MYT1L: variants seen among roughly 807,000 people sequenced by gnomAD.
The protein encoded by MYT1L is myelin transcription factor 1 like.
In MYT1L, 12 loss-of-function variants were observed where a neutral mutation model predicts 126.7. That is an observed-to-expected ratio of 0.09 (90% CI 0.06 to 0.15). MYT1L has a LOEUF of 0.15. Among genes scored for constraint, MYT1L ranks in the 10% least tolerant of loss-of-function variants. The probability of loss-of-function intolerance (pLI) is 1.00; values close to 1 mark genes in which losing one functional copy is unlikely to be tolerated. For missense variants in MYT1L, 979 were observed against 1,585.2 expected, an observed-to-expected ratio of 0.62 and a Z score of 6.49; for synonymous variants, 541 against 604.2, an observed-to-expected ratio of 0.90 and a Z score of 1.53.
At chr2:2,215,249 ATG>A (rs2093645443) in intron 2 of MYT1L, among the ~76,000 whole-genome samples, 2 of 152,174 alleles carry the variant, frequency 1.3e-5, no homozygotes. Flanking sequence ...AGTAATAAAA[ATG>A]CAGAAGTTGT....
intron 21 of MYT1L, among the ~76,000 whole-genome samples, chr2:1,820,757 G>T (rs2038404714): frequency 6.6e-6 from 1 of 152,052 alleles, no homozygotes; most frequent in Admixed American, 6.6e-5. Context: ...ATGTTGCCCA[G>T]GTTGGTCTTA....
chr2:2,151,931 C>T (rs996914790), intron 3 of MYT1L, among the ~76,000 whole-genome samples: 3 of 152,260 alleles, frequency 2.0e-5, no homozygotes, highest in Admixed American at 2.0e-4. Flanking sequence ...TGGCAGGTGC[C>T]TGTAATCCCA....
At chr2:2,186,568 TAA>T (rs1021095818) in intron 2 of MYT1L, among the ~76,000 whole-genome samples, 1 of 152,198 alleles carries the variant, frequency 6.6e-6, no homozygotes, top group African/African-American at 2.4e-5. Context: ...GAGGCATTTG[TAA>T]AGTCTCCATG....
intron 21 of MYT1L, among the ~76,000 whole-genome samples, chr2:1,832,741 C>CTG (rs2040359806): frequency 1.3e-5 from 2 of 152,212 alleles, no homozygotes; most frequent in Admixed American, 1.3e-4. Flanking sequence ...CTGTGGTGAG[C>CTG]TGTGCCTTTT....
chr2:2,219,649 T>C (rs1183004458), intron 2 of MYT1L, among the ~76,000 whole-genome samples: 1 of 152,238 alleles, frequency 6.6e-6, no homozygotes, highest in Non-Finnish European at 1.5e-5. Context: ...CACAAGTTAC[T>C]TCCTCCTTCC....
At chr2:1,949,172 A>C (rs1015454475) in intron 8 of MYT1L, among the ~76,000 whole-genome samples, 1 of 152,226 alleles carries the variant, frequency 6.6e-6, no homozygotes, top group Non-Finnish European at 1.5e-5. Flanking sequence ...GCCACATCTC[A>C]CAGAAAACCA....
At chr2:2,213,121 C>G (rs1362772924) in intron 2 of MYT1L, among the ~76,000 whole-genome samples, 1 of 152,162 alleles carries the variant, frequency 6.6e-6, no homozygotes, top group Non-Finnish European at 1.5e-5. Flanking sequence ...TAGCTTCTCA[C>G]CAGAACAACC....
chr2:1,803,150 G>GAAA (rs529801623), intron 22 of MYT1L, among the ~76,000 whole-genome samples: 1 of 151,530 alleles, frequency 6.6e-6, no homozygotes, highest in Non-Finnish European at 1.5e-5. Context: ...TTAGTGAAAC[G>GAAA]AAAAAAAAGT....
chr2:2,155,821 T>A (rs2086630937), intron 3 of MYT1L, among the ~76,000 whole-genome samples: 1 of 152,194 alleles, frequency 6.6e-6, no homozygotes, highest in Non-Finnish European at 1.5e-5. Flanking sequence ...GCCATCAACA[T>A]CACTCCTTAC....
intron 2 of MYT1L, among the ~76,000 whole-genome samples, chr2:2,236,664 C>T (rs2094315739): frequency 1.3e-5 from 2 of 152,140 alleles, no homozygotes; most frequent in South Asian, 4.1e-4. Context: ...CAACCCAACC[C>T]AGCACATCCC....
At chr2:2,206,246 G>A (rs937538336) in intron 2 of MYT1L, among the ~76,000 whole-genome samples, 1 of 152,066 alleles carries the variant, frequency 6.6e-6, no homozygotes, top group Non-Finnish European at 1.5e-5. Flanking sequence ...CCAAAGTGCT[G>A]GGATTATAGG....
At chr2:2,206,900 T>C (rs1268165804) in intron 2 of MYT1L, among the ~76,000 whole-genome samples, 1 of 152,218 alleles carries the variant, frequency 6.6e-6, no homozygotes, top group Admixed American at 6.5e-5. Flanking sequence ...AAGGGCTATC[T>C]AGTGTCCCTA....
At chr2:1,795,740 T>A (rs922336349) in intron 23 of MYT1L, 2 of 152,192 alleles carry the variant, frequency 1.3e-5, no homozygotes, top group Admixed American at 6.5e-5. Flanking sequence ...CGAAGGTGGG[T>A]TCTGTTTTTG....
intron 10 of MYT1L, among the ~76,000 whole-genome samples, chr2:1,920,086 TGACA>T (rs1404829113): frequency 1.3e-5 from 2 of 152,174 alleles, no homozygotes; most frequent in African/African-American, 4.8e-5. Flanking sequence ...TGGAAGACAC[TGACA>T]GATACGGAAA....
rs190172576 is a variant in MYT1L at position 2,193,812 on chromosome 2, C to A, written c.-420-20824G>T. Among the ~76,000 whole-genome samples, 6 of 152,232 alleles carry A rather than the reference C, an allele frequency of 3.9e-5. No homozygotes were observed. The East Asian group carries it at 9.7e-4, about 25-fold the overall frequency. On this transcript the variant is annotated intron_variant, in intron 2 of 24. Coordinates refer to ENST00000647738, the MANE Select transcript of MYT1L (RefSeq NM_001303052.2). ...TGGGTTTTATGAGGGACGTTTTAGA[C>A]ACCTAGGGGTGAATCAGCTCCTTCT... is the stretch of plus-strand genomic sequence containing the variant.
At chr2:2,115,809 A>G (rs879488770) in intron 3 of MYT1L, among the ~76,000 whole-genome samples, 310 of 152,086 alleles carry the variant, frequency 2.0e-3, no homozygotes, top group Non-Finnish European at 3.9e-3. Flanking sequence ...GAGAAGTAGG[A>G]TGCACCACGT....
intron 1 of MYT1L, among the ~76,000 whole-genome samples, chr2:2,311,613 T>C (rs951667250): frequency 6.6e-6 from 1 of 152,142 alleles, no homozygotes; most frequent in Non-Finnish European, 1.5e-5. Flanking sequence ...AACAGGAGTG[T>C]TGTGCATGCT....
chr2:1,923,997 G>T (rs900139210), intron 9 of MYT1L, among the ~76,000 whole-genome samples: 33 of 152,306 alleles, frequency 2.2e-4, no homozygotes, highest in African/African-American at 7.5e-4. Flanking sequence ...AAAGCGTGCA[G>T]CAGCCAAAGG....
chr2:1,945,120 CG>C (rs1476704276), intron 8 of MYT1L, among the ~76,000 whole-genome samples: 1 of 152,044 alleles, frequency 6.6e-6, no homozygotes, highest in Non-Finnish European at 1.5e-5. Flanking sequence ...GAGCATAGAG[CG>C]GGGCTGGGCC....
Sources: allele counts gnomAD v4.1 joint callset (sites outside exome capture counted in the v4.1 genomes callset), GRCh38; gene constraint gnomAD v4.1.1; transcripts MANE v1.5; gene names NCBI Gene and HGNC (gene_info 2026-07-23, HGNC 2026-07-21).